The following BCL7A variants were observed in gnomAD, a reference collection of about 807,000 sequenced individuals.
BCL7A encodes the protein BAF chromatin remodeling complex subunit BCL7A.
In BCL7A, 11 loss-of-function variants were observed where a neutral mutation model predicts 28.4. The observed-to-expected ratio is 0.39, with a 90% confidence interval of 0.24 to 0.64. The LOEUF (loss-of-function observed/expected upper bound fraction) is 0.64, where lower values mean the gene tolerates loss of function less well. Ranked by LOEUF, BCL7A falls within the 30% of genes least tolerant of loss-of-function variation. The pLI, the probability that BCL7A is intolerant of heterozygous loss-of-function variation, is 0.50. For synonymous variants in BCL7A, 123 were observed against 103.3 expected (o/e 1.19, Z -1.15); for missense variants, 222 against 274.8 (o/e 0.81, Z 1.36).
chr12:122,044,928 G>A (rs754759728), intron 4 of BCL7A, among the ~76,000 whole-genome samples: 6 of 152,142 alleles, frequency 3.9e-5, no homozygotes, highest in East Asian at 1.9e-4. Flanking sequence ...GAAAGGGGTG[G>A]GGGGTCTTGC....
intron 5 of BCL7A, among the ~76,000 whole-genome samples, chr12:122,056,268 T>A (rs1043454426): frequency 6.6e-6 from 1 of 152,094 alleles, no homozygotes; most frequent in Non-Finnish European, 1.5e-5. Context: ...AGCTTGAAAC[T>A]TTGATCCATA....
chr12:122,059,031 C>T lies in BCL7A; in HGVS notation c.562-61C>T. Reference sequence around the variant, plus strand: ...TCCTTGGCTGACCTTCGGCCTCACGCCTGGCCTAACTTGCTCTCCTGGCCC... The same window carrying T: ...TCCTTGGCTGACCTTCGGCCTCACGTCTGGCCTAACTTGCTCTCCTGGCCC... On this transcript the variant is annotated intron_variant, in intron 5 of 5. Transcript: ENST00000261822. The surrounding 1 kb of genome is among the most constrained non-coding windows in gnomAD (Gnocchi z 4.0). 6.9e-7 allele frequency: 1 copy of T among 1,454,258 alleles called. No homozygotes were observed. The highest frequency in any genetic ancestry group is 9.7e-7 in the Non-Finnish European group (1 of 1,035,930). The allele number at this position is 1,454,258 out of a possible 1,614,324, so 90.1% of individuals were successfully genotyped here. A position where few individuals can be genotyped will look rare whatever the true frequency, so the allele number is the denominator to read the frequency against.
chr12:122,027,912 G>A (rs543878154), intron 1 of BCL7A, among the ~76,000 whole-genome samples: 3 of 152,302 alleles, frequency 2.0e-5, no homozygotes, highest in East Asian at 1.9e-4. Flanking sequence ...GAGGAGCAAC[G>A]CCCTTTTTTG....
In BCL7A at chr12:122,059,210, G is replaced by A. The variant is rs373993754; in HGVS notation, c.*47G>A. On this transcript the variant is annotated 3_prime_UTR_variant, in exon 6 of 6. Transcript: ENST00000261822. The surrounding 1 kb of genome is among the most constrained non-coding windows in gnomAD (Gnocchi z 4.0). The stretch of plus-strand genomic sequence containing the variant: ...TCCATGTTCCATGGAAGGTACATCA[G>A]CAATTAATTCTAGAGCAACTTTGCC... The A allele has an allele frequency of 1.3e-6, 2 of 1,546,144 alleles. No homozygotes were observed. Among genetic ancestry groups the A allele is most frequent in the Non-Finnish European group, 1.8e-6 (2 of 1,119,508 alleles).
intron 1 of BCL7A, among the ~76,000 whole-genome samples, chr12:122,030,360 G>T (rs1883716265): frequency 6.6e-6 from 1 of 152,228 alleles, no homozygotes; most frequent in Non-Finnish European, 1.5e-5. Context: ...GACAGGCGCG[G>T]GTGGCCCAGT....
intron 4 of BCL7A, among the ~76,000 whole-genome samples, chr12:122,050,969 C>T (rs753426524): frequency 6.6e-6 from 1 of 152,204 alleles, no homozygotes; most frequent in Non-Finnish European, 1.5e-5. Flanking sequence ...TTCCCAAGGA[C>T]GGACATGGGC....
chr12:122,053,843 T>G (rs373484106), intron 4 of BCL7A, among the ~76,000 whole-genome samples: 1 of 152,146 alleles, frequency 6.6e-6, no homozygotes, highest in African/African-American at 2.4e-5. Context: ...TAAGCTGTGA[T>G]ATTTAAAGAA....
chr12:122,022,502 G>T (rs1004841151), intron 1 of BCL7A, among the ~76,000 whole-genome samples: 2 of 145,756 alleles, frequency 1.4e-5, no homozygotes, highest in African/African-American at 2.5e-5. Context: ...CTCCCGGGAG[G>T]GGGGCTCGGG....
chr12:122,025,178 G>T (rs557592389), intron 1 of BCL7A, among the ~76,000 whole-genome samples: 1 of 152,226 alleles, frequency 6.6e-6, no homozygotes, highest in African/African-American at 2.4e-5. Context: ...CAGGGCGATG[G>T]TAGGAGACGA....
At chr12:122,055,003 T>C in intron 5 of BCL7A, 77 bp downstream of exon 5, 1 of 1,611,256 alleles carries the variant, frequency 6.2e-7, no homozygotes, top group Non-Finnish European at 8.5e-7. Flanking sequence ...CGTTGAAAGG[T>C]GTTTCGTCAT....
intron 1 of BCL7A, among the ~76,000 whole-genome samples, chr12:122,027,930 G>T (rs1169096): frequency 2.7e-4 from 41 of 152,144 alleles, no homozygotes; most frequent in Non-Finnish European, 4.9e-4. Context: ...TTGGGGAGGG[G>T]TATGTGTTCT....
rs1204623444 is a variant in BCL7A at position 122,025,946 on chromosome 12, C to CAA, written c.92+3784_92+3785dup. On this transcript the variant is annotated intron_variant, in intron 1 of 5. Coordinates refer to ENST00000261822, the MANE Select transcript of BCL7A (RefSeq NM_001024808.3). ...TGAGCAACAGAGCAAGACTCCATCTCAAAAAAAAAAAAAAAAAAAAAAGAA... is the reference window on the plus strand; with the variant it reads ...TGAGCAACAGAGCAAGACTCCATCTCAAAAAAAAAAAAAAAAAAAAAAAAGAA... 7.4e-3 allele frequency among the ~76,000 whole-genome samples: 802 copies of CAA among 107,926 alleles called. 11 individuals are homozygous for CAA. The highest frequency in any genetic ancestry group is 0.052 in the East Asian group (135 of 2,606). The allele number at this position is 107,926 out of a possible 152,430, so 70.8% of individuals were successfully genotyped here. A position where few individuals can be genotyped will look rare whatever the true frequency, so the allele number is the denominator to read the frequency against.
rs1436610481 is a variant in BCL7A, at chr12:122,059,032, C to T, written c.562-60C>T. 5 of 1,459,552 alleles carry T rather than the reference C, an allele frequency of 3.4e-6. No individual in the cohort carries two copies. Among genetic ancestry groups the T allele is most frequent in the Non-Finnish European group, 4.8e-6 (5 of 1,040,600 alleles). The allele number at this position is 1,459,552 out of a possible 1,614,324, so 90.4% of individuals were successfully genotyped here. ...CCTTGGCTGACCTTCGGCCTCACGC[C>T]TGGCCTAACTTGCTCTCCTGGCCCA... On this transcript the variant is annotated intron_variant, in intron 5 of 5. Transcript: ENST00000261822. The surrounding 1 kb of genome is among the most constrained non-coding windows in gnomAD (Gnocchi z 4.0).
intron 1 of BCL7A, among the ~76,000 whole-genome samples, chr12:122,025,995 C>T (rs1325052289): frequency 5.4e-5 from 8 of 149,264 alleles, no homozygotes; most frequent in African/African-American, 1.5e-4. Context: ...AAAGGCCGGG[C>T]ACGTTGGCTC....
chr12:122,043,952 C>T lies in BCL7A; in HGVS notation c.338C>T (p.Ser113Phe), dbSNP rs200170333. The change falls in exon 4 of 6, where the codon TCC (serine) becomes TTC (phenylalanine). Residue 113 changes from serine (S) to phenylalanine (F), a missense_variant. Around this residue, in one of 2 missense-constraint regions of BCL7A, gnomAD observed 155 missense variants for 145.7 expected, o/e 1.06. Transcript: ENST00000261822. ...SPIKQENSSN[S>F]SPAPEPNSAV... ...ATCAAACAGGAGAACAGCAGCAACT[C>T]CAGCCCCGCTCCAGAGCCCAACTCG... The T allele has an allele frequency of 5.9e-5, 96 of 1,613,916 alleles. No individual in the cohort carries two copies. Among genetic ancestry groups the T allele is most frequent in the Non-Finnish European group, 7.7e-5 (91 of 1,180,036 alleles).
intron 1 of BCL7A, among the ~76,000 whole-genome samples, chr12:122,024,275 T>C (rs1382960853): frequency 1.3e-5 from 2 of 152,228 alleles, no homozygotes; most frequent in East Asian, 3.9e-4. Flanking sequence ...CTTGGGCATA[T>C]CATTGTCACT....
At position 122,030,680 on chromosome 12, in the gene BCL7A, CTCT is replaced by C. The variant is rs767488115; in HGVS notation, c.93-17_93-15del. 6 of 1,608,550 alleles carry C rather than the reference CTCT, an allele frequency of 3.7e-6. No individual in the cohort carries two copies. In the South Asian group the frequency reaches 6.6e-5, roughly 18 times the overall value. On this transcript the variant is annotated splice_polypyrimidine_tract_variant and intron_variant, in intron 1 of 5. Coordinates refer to ENST00000261822, the MANE Select transcript of BCL7A (RefSeq NM_001024808.3). ...GGGATGAAGAGTCCCCGGTAACAGG[CTCT>C]TCCTCATCCTCCTCAGGGAGAAGAA...
chr12:122,037,819 C>T (rs1357661140), intron 3 of BCL7A, among the ~76,000 whole-genome samples: 2 of 152,148 alleles, frequency 1.3e-5, no homozygotes, highest in Non-Finnish European at 2.9e-5. Context: ...CGTGGGGGCG[C>T]GTGCCTGTAA....
In BCL7A at chr12:122,022,042, A is replaced by G. The variant is rs2135832473; in HGVS notation, c.-50A>G. 1 of 1,489,980 alleles carries G rather than the reference A, an allele frequency of 6.7e-7. No individual in the cohort carries two copies. The highest frequency in any genetic ancestry group is 1.2e-5 in the South Asian group (1 of 83,598). The allele number at this position is 1,489,980 out of a possible 1,614,324, so 92.3% of individuals were successfully genotyped here. A position where few individuals can be genotyped will look rare whatever the true frequency, so the allele number is the denominator to read the frequency against. ...GCGAGTGTGGCCGCCGCGGAGCGCGAGCAGGACCCGGCGGGCGCGCTCCCC... is the reference window on the plus strand; with the variant it reads ...GCGAGTGTGGCCGCCGCGGAGCGCGGGCAGGACCCGGCGGGCGCGCTCCCC... On this transcript the variant is annotated 5_prime_UTR_variant, in exon 1 of 6. Transcript: ENST00000261822.
Sources: gnomAD v4.1 joint callset for allele counts (sites outside exome capture counted in the v4.1 genomes callset) on GRCh38, gnomAD v4.1.1 for gene constraint, gnomAD v4.1.1 regional missense constraint, Gnocchi (gnomAD v3.1) non-coding constraint, MANE v1.5 for transcripts, NCBI Gene and HGNC (gene_info 2026-07-23, HGNC 2026-07-21) for gene names.